CRYBG1: variants seen among roughly 807,000 people sequenced by gnomAD.
CRYBG1 encodes crystallin beta-gamma domain containing 1.
CRYBG1 carries 139 observed loss-of-function variants against 189.2 expected under a neutral mutation model. That is an observed-to-expected ratio of 0.73 (90% CI 0.64 to 0.85). The LOEUF (loss-of-function observed/expected upper bound fraction) is 0.85, where lower values mean the gene tolerates loss of function less well. Among genes scored for constraint, CRYBG1 ranks in the 40% least tolerant of loss-of-function variants. The pLI is 0.00. For missense variants in CRYBG1, 2,611 were observed against 2,675.8 expected, an observed-to-expected ratio of 0.98 and a Z score of 0.53; for synonymous variants, 1,023 against 1,017.1, an observed-to-expected ratio of 1.01 and a Z score of -0.11.
chr6:106,518,219 A>G (rs80216359), intron 3 of CRYBG1, among the ~76,000 whole-genome samples: 5,248 of 152,302 alleles, frequency 0.034, 309 homozygotes, highest in East Asian at 0.23. Flanking sequence ...TAACAGGGAT[A>G]TTGTCTGACT....
chr6:106,410,439 G>C (rs1770908320), intron 1 of CRYBG1, among the ~76,000 whole-genome samples: 1 of 152,206 alleles, frequency 6.6e-6, no homozygotes, highest in Non-Finnish European at 1.5e-5. Context: ...GTGTAAATTA[G>C]TTCAACCATT....
At chr6:106,530,066 T>G (rs933102980) in intron 7 of CRYBG1, 110 bp from the exon 8 acceptor site, 1 of 1,048,670 alleles carries the variant, frequency 9.5e-7, no homozygotes, top group Non-Finnish European at 1.3e-6. Context: ...GAAATGTGTT[T>G]GTAAATTTAA....
At chr6:106,473,510 C>T (rs1412578593) in intron 2 of CRYBG1, among the ~76,000 whole-genome samples, 1 of 152,124 alleles carries the variant, frequency 6.6e-6, no homozygotes, top group Admixed American at 6.6e-5. Flanking sequence ...GGCCTAGAAA[C>T]AGTGATACTC....
chr6:106,449,699 A>G (rs941015602), intron 1 of CRYBG1, among the ~76,000 whole-genome samples: 2 of 152,154 alleles, frequency 1.3e-5, no homozygotes, highest in Non-Finnish European at 2.9e-5. Flanking sequence ...CCTGAGCTAT[A>G]TGTGTTTCTC....
At chr6:106,422,218 A>G (rs1435566050) in intron 1 of CRYBG1, among the ~76,000 whole-genome samples, 2 of 151,940 alleles carry the variant, frequency 1.3e-5, no homozygotes, top group African/African-American at 4.9e-5. Flanking sequence ...TATGGCCACA[A>G]TCCTATTAGA....
intron 2 of CRYBG1, among the ~76,000 whole-genome samples, chr6:106,485,538 A>G (rs961248683): frequency 3.3e-5 from 5 of 152,176 alleles, no homozygotes; most frequent in African/African-American, 1.2e-4. Flanking sequence ...TATTATGTTC[A>G]GTAAGAGTGG....
intron 2 of CRYBG1, among the ~76,000 whole-genome samples, chr6:106,484,957 C>A (rs939602497): frequency 3.9e-5 from 6 of 152,060 alleles, no homozygotes; most frequent in Non-Finnish European, 5.9e-5. Context: ...AGCTACTGTA[C>A]CCCAGCCTGG....
At chr6:106,389,073 G>A (rs545849840) in intron 1 of CRYBG1, among the ~76,000 whole-genome samples, 7 of 152,268 alleles carry the variant, frequency 4.6e-5, no homozygotes, top group Admixed American at 1.3e-4. Context: ...CAGTACTGAA[G>A]TGACACTTGG....
chr6:106,489,961 T>C (rs538955444), intron 2 of CRYBG1, among the ~76,000 whole-genome samples: 1 of 152,294 alleles, frequency 6.6e-6, no homozygotes, highest in African/African-American at 2.4e-5. Flanking sequence ...AGAGATTAAA[T>C]GCCTAAAATG....
In CRYBG1 at chr6:106,360,922, C is replaced by T. The variant is rs1221095389; in HGVS notation, c.14C>T (p.Pro5Leu). 2 of 1,533,792 alleles carry T rather than the reference C, an allele frequency of 1.3e-6. No individual in the cohort carries two copies. Among genetic ancestry groups the T allele is most frequent in the Non-Finnish European group, 1.7e-6 (2 of 1,145,912 alleles). The change falls in exon 1 of 22, where the codon CCG becomes CTG. Residue 5 changes from proline to leucine, a missense_variant. Coordinates refer to ENST00000633556, the MANE Select transcript of CRYBG1 (RefSeq NM_001371242.2). MPLS[P>L]PAQGDPGEPS... ...GAGGACAAGACGATGCCGCTGTCCC[C>T]GCCAGCCCAGGGCGACCCCGGGGAG...
chr6:106,361,094 C>A lies in CRYBG1; in HGVS notation c.173+13C>A, dbSNP rs1247080429. On this transcript the variant is annotated intron_variant, in intron 1 of 21. Coordinates refer to ENST00000633556, the MANE Select transcript of CRYBG1 (RefSeq NM_001371242.2). ...CCGGAGAGGCCAGGTGAGCTCCTCG[C>A]CCGAGCCCTCCAGTCCCACCTCCTC... 2 of 1,533,710 alleles carry A rather than the reference C, an allele frequency of 1.3e-6. No homozygotes were observed. Among genetic ancestry groups the A allele is most frequent in the Non-Finnish European group, 1.7e-6 (2 of 1,145,960 alleles).
intron 2 of CRYBG1, among the ~76,000 whole-genome samples, chr6:106,501,182 T>C (rs1313991813): frequency 2.6e-5 from 4 of 152,134 alleles, no homozygotes; most frequent in African/African-American, 9.7e-5. Flanking sequence ...TGCAATATGG[T>C]TCAGGTAATG....
At chr6:106,413,220 C>T (rs1221996849) in intron 1 of CRYBG1, among the ~76,000 whole-genome samples, 1 of 152,176 alleles carries the variant, frequency 6.6e-6, no homozygotes, top group Non-Finnish European at 1.5e-5. Context: ...CAGTATATTT[C>T]ATCTTCCTGG....
intron 1 of CRYBG1, among the ~76,000 whole-genome samples, chr6:106,368,297 C>T (rs1055559110): frequency 5.3e-5 from 8 of 151,458 alleles, no homozygotes; most frequent in African/African-American, 1.9e-4. Context: ...ACACACACAT[C>T]TGTCTTAAAG....
At chr6:106,459,471 C>T (rs1771957628) in intron 2 of CRYBG1, among the ~76,000 whole-genome samples, 1 of 150,976 alleles carries the variant, frequency 6.6e-6, no homozygotes, top group East Asian at 1.9e-4. Flanking sequence ...TGAGAGGTAA[C>T]TATTTTGGTA....
chr6:106,425,466 T>C (rs747863810), intron 1 of CRYBG1, among the ~76,000 whole-genome samples: 9 of 152,168 alleles, frequency 5.9e-5, no homozygotes, highest in Non-Finnish European at 2.9e-5. Flanking sequence ...TTTTGGTCCA[T>C]TATCATCATG....
chr6:106,497,159 C>T (rs971489233), intron 2 of CRYBG1, among the ~76,000 whole-genome samples: 5 of 152,014 alleles, frequency 3.3e-5, no homozygotes, highest in Admixed American at 3.3e-4. Context: ...CTCCCCACCC[C>T]CCATGACACC....
At chr6:106,488,523 G>A (rs1340193897) in intron 2 of CRYBG1, among the ~76,000 whole-genome samples, 2 of 152,202 alleles carry the variant, frequency 1.3e-5, no homozygotes, top group Non-Finnish European at 2.9e-5. Context: ...GGTAGCTGCT[G>A]CTGGTAACCT....
intron 4 of CRYBG1, among the ~76,000 whole-genome samples, chr6:106,522,975 G>C (rs961034307): frequency 6.6e-6 from 1 of 152,128 alleles, no homozygotes. Flanking sequence ...GTTTGTATGG[G>C]TTCTGCCTAT....
Sources: gnomAD v4.1 joint callset for allele counts (sites outside exome capture counted in the v4.1 genomes callset) on GRCh38, gnomAD v4.1.1 for gene constraint, MANE v1.5 for transcripts, NCBI Gene and HGNC (gene_info 2026-07-23, HGNC 2026-07-21) for gene names.